GADL1: variants seen among roughly 807,000 people sequenced by gnomAD.
GADL1 encodes acidic amino acid decarboxylase GADL1.
GADL1 carries 71 observed loss-of-function variants against 69.5 expected under a neutral mutation model. That is an observed-to-expected ratio of 1.02 (90% CI 0.84 to 1.25). The LOEUF (loss-of-function observed/expected upper bound fraction) is 1.25, where lower values mean the gene tolerates loss of function less well. Among genes scored for constraint, GADL1 ranks in the 50% most tolerant of loss-of-function variants. GADL1 has a pLI of 0.00. For missense variants in GADL1, 737 were observed against 631.8 expected (o/e 1.17, Z -1.79); for synonymous variants, 254 against 214.4 (o/e 1.18, Z -1.62).
At chr3:30,736,336 T>C (rs1194359202) in intron 14 of GADL1, among the ~76,000 whole-genome samples, 1 of 152,160 alleles carries the variant, frequency 6.6e-6, no homozygotes, top group Admixed American at 6.6e-5. Flanking sequence ...TTTGGGCCAA[T>C]ATTTAACTCC....
intron 11 of GADL1, among the ~76,000 whole-genome samples, chr3:30,818,101 C>T (rs1348230548): frequency 6.6e-6 from 1 of 152,104 alleles, no homozygotes; most frequent in East Asian, 1.9e-4. Flanking sequence ...CCTTACTTCC[C>T]CTCTCATCCA....
At chr3:30,882,196 T>A (rs1000542348) in intron 1 of GADL1, among the ~76,000 whole-genome samples, 2 of 151,950 alleles carry the variant, frequency 1.3e-5, no homozygotes, top group Non-Finnish European at 2.9e-5. Flanking sequence ...ATCTTAACCA[T>A]TTTTAAGTGT....
chr3:30,867,012 G>T (rs1352671143), intron 1 of GADL1, among the ~76,000 whole-genome samples: 4 of 151,956 alleles, frequency 2.6e-5, no homozygotes, highest in African/African-American at 9.7e-5. Flanking sequence ...CTGACTTCTA[G>T]TCCCACTTGA....
At chr3:30,872,485 T>A (rs761494631) in intron 1 of GADL1, among the ~76,000 whole-genome samples, 5 of 151,988 alleles carry the variant, frequency 3.3e-5, no homozygotes, top group Non-Finnish European at 7.4e-5. Context: ...GCTTTAATGG[T>A]AACTTCTGTG....
At chr3:30,811,661 A>T (rs1052783123) in intron 11 of GADL1, among the ~76,000 whole-genome samples, 3 of 152,268 alleles carry the variant, frequency 2.0e-5, no homozygotes, top group Non-Finnish European at 4.4e-5. Context: ...GTGCATACTG[A>T]TTTTTTCTAT....
Position 30,873,258 on chromosome 3 carries a change from A to G in GADL1, c.38-11493T>C, listed in dbSNP as rs1399051990. Among the ~76,000 whole-genome samples, 3 of 151,992 alleles carry G rather than the reference A, an allele frequency of 2.0e-5. No homozygotes were observed. In the East Asian group the frequency reaches 5.8e-4, roughly 30 times the overall value. On this transcript the variant is annotated intron_variant, in intron 1 of 14. Coordinates refer to ENST00000282538, the MANE Select transcript of GADL1 (RefSeq NM_207359.3). Reference sequence around the variant, plus strand: ...TACTTACAATGGACCAGGTATTGGGATATACACTTTATATATTTATATACA... The same window carrying G: ...TACTTACAATGGACCAGGTATTGGGGTATACACTTTATATATTTATATACA...
chr3:30,769,665 G>A (rs1186711771), intron 14 of GADL1, among the ~76,000 whole-genome samples: 1 of 152,200 alleles, frequency 6.6e-6, no homozygotes. Flanking sequence ...CCGGAAAGGA[G>A]AAAACACAAG....
At chr3:30,776,617 A>G (rs536411179) in intron 14 of GADL1, among the ~76,000 whole-genome samples, 61 of 152,300 alleles carry the variant, frequency 4.0e-4, no homozygotes, top group African/African-American at 1.5e-3. Context: ...ATTATGTTAC[A>G]GGTTAGGAGG....
intron 12 of GADL1, among the ~76,000 whole-genome samples, chr3:30,789,609 G>C (rs1223322227): frequency 6.6e-6 from 1 of 152,144 alleles, no homozygotes; most frequent in Non-Finnish European, 1.5e-5. Context: ...TCCAATATAA[G>C]ACTGATTTGC....
chr3:30,873,286 TA>T (rs1255210761), intron 1 of GADL1, among the ~76,000 whole-genome samples: 3 of 152,118 alleles, frequency 2.0e-5, no homozygotes, highest in Admixed American at 2.0e-4. Context: ...TATATACATA[TA>T]TATGAGGTTA....
intron 14 of GADL1, among the ~76,000 whole-genome samples, chr3:30,762,041 TGA>T (rs1696149104): frequency 1.3e-5 from 2 of 152,036 alleles, no homozygotes; most frequent in African/African-American, 4.8e-5. Context: ...CGTGGGTAGG[TGA>T]GAGGTCTGGA....
chr3:30,757,940 T>C (rs912746288), intron 14 of GADL1, among the ~76,000 whole-genome samples: 6 of 152,222 alleles, frequency 3.9e-5, no homozygotes, highest in Admixed American at 2.0e-4. Flanking sequence ...ATAACACTTA[T>C]TGAGCATGTT....
At chr3:30,767,408 C>T (rs1404075998) in intron 14 of GADL1, among the ~76,000 whole-genome samples, 3 of 78,782 alleles carry the variant, frequency 3.8e-5, no homozygotes, top group Admixed American at 1.1e-4. Flanking sequence ...TGGTTCTTGG[C>T]ACAAAAACAG....
chr3:30,801,409 T>C (rs1298014486), intron 11 of GADL1, among the ~76,000 whole-genome samples: 1 of 152,086 alleles, frequency 6.6e-6, no homozygotes, highest in Non-Finnish European at 1.5e-5. Flanking sequence ...TAAAACTGTC[T>C]ATAACTCAAA....
At chr3:30,814,597 C>A (rs1357644129) in intron 11 of GADL1, among the ~76,000 whole-genome samples, 3 of 152,004 alleles carry the variant, frequency 2.0e-5, no homozygotes, top group Non-Finnish European at 4.4e-5. Context: ...CAGGTTTAAC[C>A]CAAGGGCCAT....
intron 14 of GADL1, among the ~76,000 whole-genome samples, chr3:30,751,716 A>G (rs946437001): frequency 1.2e-4 from 19 of 152,072 alleles, no homozygotes; most frequent in African/African-American, 4.1e-4. Context: ...AGACACGGAG[A>G]TCTATGCACT....
intron 14 of GADL1, among the ~76,000 whole-genome samples, chr3:30,777,245 TG>T (rs1696559677): frequency 6.6e-6 from 1 of 152,070 alleles, no homozygotes; most frequent in Admixed American, 6.5e-5. Context: ...CAATGAAAAT[TG>T]CTTTTAAAAA....
chr3:30,812,094 A>G (rs1697368269), intron 11 of GADL1, among the ~76,000 whole-genome samples: 1 of 152,158 alleles, frequency 6.6e-6, no homozygotes. Context: ...TGCTACTAGT[A>G]CCCATTATAA....
intron 11 of GADL1, among the ~76,000 whole-genome samples, chr3:30,804,312 CTG>C (rs1448589250): frequency 1.7e-5 from 2 of 116,728 alleles, no homozygotes; most frequent in Admixed American, 8.5e-5. Context: ...CAGGTAGAAT[CTG>C]TGAGCATGGA....
Sources: allele counts gnomAD v4.1 joint callset (sites outside exome capture counted in the v4.1 genomes callset), GRCh38; gene constraint gnomAD v4.1.1; transcripts MANE v1.5; gene names NCBI Gene and HGNC (gene_info 2026-07-23, HGNC 2026-07-21).